LYPLAL1: variants seen among roughly 807,000 people sequenced by gnomAD.
LYPLAL1 encodes the protein lysophospholipase-like protein 1.
In LYPLAL1, 23 loss-of-function variants were observed where a neutral mutation model predicts 19.7. That is an observed-to-expected ratio of 1.17 (90% CI 0.84 to 1.65). The LOEUF is 1.65. LYPLAL1 is among the 40% of genes most tolerant of loss of function. The probability of loss-of-function intolerance (pLI) is 0.00; values close to 1 mark genes in which losing one functional copy is unlikely to be tolerated. For synonymous variants in LYPLAL1, 119 were observed against 96.3 expected (o/e 1.24, Z -1.38); for missense variants, 355 against 279.4 (o/e 1.27, Z -1.93).
intron 3 of LYPLAL1, among the ~76,000 whole-genome samples, chr1:219,209,081 A>T (rs931535490): frequency 1.3e-5 from 2 of 152,088 alleles, no homozygotes; most frequent in African/African-American, 2.4e-5. Context: ...CTCATTTATG[A>T]ACTTCTAATT....
At chr1:219,294,899 C>A in the LYPLAL1 span, among the ~76,000 whole-genome samples, 2 of 152,090 alleles carry the variant, frequency 1.3e-5, no homozygotes, top group African/African-American at 4.8e-5. Flanking sequence ...GCTGGGATGA[C>A]CTTTCCAGAG....
the LYPLAL1 span, among the ~76,000 whole-genome samples, chr1:219,330,654 A>G: frequency 1.3e-5 from 2 of 152,252 alleles, no homozygotes; most frequent in African/African-American, 4.8e-5. Context: ...ACGTACTTCT[A>G]AATACATTCA....
At chr1:219,203,083 A>G (rs1658251143) in intron 3 of LYPLAL1, among the ~76,000 whole-genome samples, 1 of 64,756 alleles carries the variant, frequency 1.5e-5, no homozygotes. Context: ...AAAAGTTGTT[A>G]ACCTTTTATT....
chr1:219,335,940 G>T, the LYPLAL1 span, among the ~76,000 whole-genome samples: 1 of 151,372 alleles, frequency 6.6e-6, no homozygotes, highest in Non-Finnish European at 1.5e-5. Context: ...GTCAAGAAAG[G>T]CTTCACAGAG....
chr1:219,373,431 T>A, the LYPLAL1 span, among the ~76,000 whole-genome samples: 4 of 152,186 alleles, frequency 2.6e-5, no homozygotes, highest in African/African-American at 9.7e-5. Context: ...GCTGAGTTAT[T>A]ACCCCAGTCT....
At chr1:219,245,399 T>G in the LYPLAL1 span, among the ~76,000 whole-genome samples, 1 of 152,072 alleles carries the variant, frequency 6.6e-6, no homozygotes, top group Non-Finnish European at 1.5e-5. Context: ...ATGTCTGGAG[T>G]CCTAAGGGAA....
At chr1:219,379,780 A>G in the LYPLAL1 span, among the ~76,000 whole-genome samples, 1 of 152,250 alleles carries the variant, frequency 6.6e-6, no homozygotes, top group Non-Finnish European at 1.5e-5. Flanking sequence ...AGTGCATGCT[A>G]TACAAGTAAG....
At chr1:219,357,503 A>T in the LYPLAL1 span, among the ~76,000 whole-genome samples, 1 of 152,238 alleles carries the variant, frequency 6.6e-6, no homozygotes, top group Non-Finnish European at 1.5e-5. Context: ...CATACTCACT[A>T]CTAGAATGGC....
intron 1 of LYPLAL1, among the ~76,000 whole-genome samples, chr1:219,176,244 G>A (rs1207558616): frequency 1.3e-5 from 2 of 152,164 alleles, no homozygotes; most frequent in African/African-American, 4.8e-5. Flanking sequence ...CAGTCTCTCA[G>A]ATCAGATTAA....
the LYPLAL1 span, among the ~76,000 whole-genome samples, chr1:219,220,109 T>A: frequency 2.0e-5 from 3 of 152,078 alleles, no homozygotes; most frequent in African/African-American, 7.2e-5. Context: ...TTCATCTTTT[T>A]TCCAATCAGC....
chr1:219,257,497 T>A, the LYPLAL1 span, among the ~76,000 whole-genome samples: 3 of 151,904 alleles, frequency 2.0e-5, no homozygotes, highest in African/African-American at 7.2e-5. Flanking sequence ...AGAGGAATTT[T>A]ACAGCTGGGC....
At chr1:219,407,951 C>G in the LYPLAL1 span, among the ~76,000 whole-genome samples, 1 of 152,118 alleles carries the variant, frequency 6.6e-6, no homozygotes, top group East Asian at 1.9e-4. Context: ...GGACACTAAT[C>G]CATTCATGAA....
At chr1:219,337,534 T>C in the LYPLAL1 span, among the ~76,000 whole-genome samples, 1 of 152,056 alleles carries the variant, frequency 6.6e-6, no homozygotes, top group Non-Finnish European at 1.5e-5. Flanking sequence ...GACTCCACCT[T>C]GACTGGTCAC....
intron 3 of LYPLAL1, chr1:219,198,471 T>C (rs1303066577): frequency 1.3e-5 from 2 of 152,120 alleles, no homozygotes; most frequent in South Asian, 2.1e-4. Flanking sequence ...GATTTTATCA[T>C]GATTACACAT....
the LYPLAL1 span, among the ~76,000 whole-genome samples, chr1:219,377,934 C>A: frequency 6.6e-6 from 1 of 152,138 alleles, no homozygotes; most frequent in African/African-American, 2.4e-5. Flanking sequence ...TCTGTCTGAA[C>A]TAATTCAATT....
At chr1:219,270,880 C>T in the LYPLAL1 span, 1 of 152,134 alleles carries the variant, frequency 6.6e-6, no homozygotes, top group Non-Finnish European at 1.5e-5. Flanking sequence ...CAGGGGGAAA[C>T]AAACAAGAAA....
chr1:219,306,504 A>C, the LYPLAL1 span, among the ~76,000 whole-genome samples: 1 of 152,200 alleles, frequency 6.6e-6, no homozygotes, highest in Non-Finnish European at 1.5e-5. Flanking sequence ...TCTAGTAAGA[A>C]AGAATTCCTT....
the LYPLAL1 span, among the ~76,000 whole-genome samples, chr1:219,376,455 G>A: frequency 8.0e-5 from 12 of 150,848 alleles, no homozygotes; most frequent in Middle Eastern, 3.4e-3. Flanking sequence ...CAAAAACAAC[G>A]GAAACAAAAA....
chr1:219,191,266 G>T (rs1657159882), intron 2 of LYPLAL1, among the ~76,000 whole-genome samples: 1 of 151,440 alleles, frequency 6.6e-6, no homozygotes, highest in Non-Finnish European at 1.5e-5. Context: ...TTTTCCATAG[G>T]AATAAAAGTT....
Sources: gnomAD v4.1 joint callset for allele counts (sites outside exome capture counted in the v4.1 genomes callset) on GRCh38, gnomAD v4.1.1 for gene constraint, MANE v1.5 for transcripts, NCBI Gene and HGNC (gene_info 2026-07-23, HGNC 2026-07-21) for gene names.